The following GRM5 variants were observed in gnomAD, a reference collection of about 807,000 sequenced individuals.
GRM5 encodes the protein glutamate metabotropic receptor 5.
In GRM5, 19 loss-of-function variants were observed where a neutral mutation model predicts 83.1. The observed-to-expected ratio is 0.23, with a 90% CI of 0.16 to 0.34. The LOEUF is 0.34. Among genes scored for constraint, GRM5 ranks in the 10% least tolerant of loss-of-function variants. GRM5 has a pLI of 1.00. For synonymous variants in GRM5, 675 were observed against 633.6 expected, an observed-to-expected ratio of 1.07 and a Z score of -0.98; for missense variants, 1,160 against 1,588.3, an observed-to-expected ratio of 0.73 and a Z score of 4.58.
intron 6 of GRM5, among the ~76,000 whole-genome samples, chr11:88,592,265 T>C (rs1372076258): frequency 6.6e-6 from 1 of 152,206 alleles, no homozygotes; most frequent in Non-Finnish European, 1.5e-5. Context: ...ATATCTACCT[T>C]ATAGGATTTC....
rs187895444 is a variant in GRM5, at chr11:88,638,522, C to T, written c.1147+14646G>A. Reference sequence around the variant, plus strand: ...TTGATTGAATTAGGAAGTATTTCTACTTCTTTACTTTTCTGGTAGAGTTTA... The same window carrying T: ...TTGATTGAATTAGGAAGTATTTCTATTTCTTTACTTTTCTGGTAGAGTTTA... On this transcript the variant is annotated intron_variant, in intron 4 of 9. Transcript: ENST00000305447. Among the ~76,000 whole-genome samples, 3 of 152,100 alleles carry T rather than the reference C, an allele frequency of 2.0e-5. No homozygotes were observed. In the East Asian group the frequency reaches 5.8e-4, roughly 29 times the overall value.
chr11:89,062,708 G>A (rs1942019147), intron 1 of GRM5, among the ~76,000 whole-genome samples: 1 of 152,188 alleles, frequency 6.6e-6, no homozygotes, highest in African/African-American at 2.4e-5. Context: ...AGGAAATGAG[G>A]GCAGCTGTAA....
chr11:88,922,534 G>A (rs1435643128), intron 2 of GRM5, among the ~76,000 whole-genome samples: 1 of 152,116 alleles, frequency 6.6e-6, no homozygotes, highest in Non-Finnish European at 1.5e-5. Flanking sequence ...ATATGCAGAA[G>A]AATAAAACTA....
Position 88,653,327 on chromosome 11 carries a change from G to T in GRM5, c.988C>A (p.Gln330Lys). 1 of 1,613,004 alleles carries T rather than the reference G, an allele frequency of 6.2e-7. No homozygotes were observed. Among genetic ancestry groups the T allele is most frequent in the Non-Finnish European group, 8.5e-7 (1 of 1,179,286 alleles). ...TCAAACCACTTGACATCGGGAGATTGGAGCTTGATTGTGATGCCACCAACA... is the reference window on the plus strand; with the variant it reads ...TCAAACCACTTGACATCGGGAGATTTGAGCTTGATTGTGATGCCACCAACA... ...EAVGGITIKL[Q>K]SPDVKWFDDY... The change falls in exon 4 of 10, where the codon CAA becomes AAA. Residue 330 changes from glutamine to lysine, a missense_variant. Gln to Lys is a moderately conservative substitution (Grantham distance 53). This residue lies in a region of GRM5 where 84 missense variants were observed against 231.0 expected (regional missense o/e 0.36). Transcript: ENST00000305447.
chr11:88,594,627 C>T (rs1937749504), intron 6 of GRM5, among the ~76,000 whole-genome samples: 1 of 152,192 alleles, frequency 6.6e-6, no homozygotes, highest in Non-Finnish European at 1.5e-5. Flanking sequence ...ATTTAGCAGA[C>T]ATTAATTAAT....
rs1362255776 is a variant in GRM5, at chr11:88,604,813, A to G, written c.1299T>C (p.Asp433=). ...TCAGGGACTCCAAAAGTTTCCGTCC[A>G]TCAATTGGCTTCATGGCATCACAGA... ...AGLCDAMKPI[D]GRKLLESLMK... Residue 433 remains aspartate (D), a synonymous_variant, in exon 5 of 10, where the codon GAT becomes GAC. Transcript: ENST00000305447. The G allele has an allele frequency of 6.2e-7, 1 of 1,613,950 alleles. No homozygotes were observed. Among genetic ancestry groups the G allele is most frequent in the Non-Finnish European group, 8.5e-7 (1 of 1,179,816 alleles).
chr11:88,765,634 TC>T (rs1942613264), intron 3 of GRM5, among the ~76,000 whole-genome samples: 4 of 151,514 alleles, frequency 2.6e-5, no homozygotes, highest in Admixed American at 1.3e-4. Flanking sequence ...TAACTGGATA[TC>T]CACACACAAA....
chr11:88,598,455 G>A (rs947874777), intron 5 of GRM5, among the ~76,000 whole-genome samples: 3 of 150,930 alleles, frequency 2.0e-5, no homozygotes, highest in Non-Finnish European at 4.4e-5. Context: ...TTTTTCTTCA[G>A]AATATTACCT....
intron 2 of GRM5, among the ~76,000 whole-genome samples, chr11:88,881,790 T>A (rs1944957880): frequency 6.6e-6 from 1 of 152,200 alleles, no homozygotes; most frequent in Non-Finnish European, 1.5e-5. Flanking sequence ...AAAAAAATCC[T>A]TATTGTTCTG....
At chr11:88,941,797 T>A (rs1287826532) in intron 2 of GRM5, among the ~76,000 whole-genome samples, 1 of 152,060 alleles carries the variant, frequency 6.6e-6, no homozygotes, top group African/African-American at 2.4e-5. Context: ...TACCTACTGA[T>A]GCGATGATGT....
chr11:88,948,161 TAAAA>T (rs1938343179), intron 2 of GRM5, among the ~76,000 whole-genome samples: 1 of 152,126 alleles, frequency 6.6e-6, no homozygotes, highest in Non-Finnish European at 1.5e-5. Context: ...GTCCTTTTCT[TAAAA>T]GAAAGAAAAC....
At chr11:88,806,172 G>C (rs866258367) in intron 3 of GRM5, among the ~76,000 whole-genome samples, 17 of 152,042 alleles carry the variant, frequency 1.1e-4, no homozygotes, top group African/African-American at 2.9e-4. Flanking sequence ...ATCATCTATG[G>C]ACCTCTATTA....
intron 4 of GRM5, among the ~76,000 whole-genome samples, chr11:88,617,131 C>A (rs947507129): frequency 2.0e-5 from 3 of 152,160 alleles, no homozygotes; most frequent in Admixed American, 2.0e-4. Flanking sequence ...CAAAACTAAA[C>A]ATAGCAATGC....
At chr11:88,633,897 G>C (rs1939049153) in intron 4 of GRM5, among the ~76,000 whole-genome samples, 1 of 152,148 alleles carries the variant, frequency 6.6e-6, no homozygotes, top group Non-Finnish European at 1.5e-5. Flanking sequence ...GAAAGGTGCT[G>C]TTAGGCAATT....
At chr11:88,844,325 C>T (rs963455711) in intron 3 of GRM5, among the ~76,000 whole-genome samples, 1 of 151,746 alleles carries the variant, frequency 6.6e-6, no homozygotes, top group Non-Finnish European at 1.5e-5. Context: ...GCATGGTTTA[C>T]TGAATATTTT....
chr11:88,685,702 C>A (rs1940605322), intron 3 of GRM5, among the ~76,000 whole-genome samples: 1 of 152,166 alleles, frequency 6.6e-6, no homozygotes, highest in African/African-American at 2.4e-5. Context: ...CCACTACAGC[C>A]ATGACTAAAA....
chr11:89,021,753 T>G (rs1232297187), intron 2 of GRM5, among the ~76,000 whole-genome samples: 3 of 152,304 alleles, frequency 2.0e-5, no homozygotes, highest in African/African-American at 7.2e-5. Flanking sequence ...GCATGTCACT[T>G]AAGTTGTCAG....
At chr11:88,739,045 A>G (rs1216346805) in intron 3 of GRM5, among the ~76,000 whole-genome samples, 1 of 152,078 alleles carries the variant, frequency 6.6e-6, no homozygotes, top group Non-Finnish European at 1.5e-5. Context: ...CAAAATTTCC[A>G]TAAAATTAAA....
At chr11:88,808,420 T>C (rs1183659897) in intron 3 of GRM5, among the ~76,000 whole-genome samples, 1 of 152,008 alleles carries the variant, frequency 6.6e-6, no homozygotes, top group Admixed American at 6.6e-5. Flanking sequence ...ATAGAAAGAA[T>C]ATTAAACAAT....
Sources: allele counts gnomAD v4.1 joint callset (sites outside exome capture counted in the v4.1 genomes callset), GRCh38; gene constraint gnomAD v4.1.1; regional missense constraint gnomAD v4.1.1; transcripts MANE v1.5; gene names NCBI Gene and HGNC (gene_info 2026-07-23, HGNC 2026-07-21).